The following UBAC2 variants were observed in gnomAD, a reference collection of about 807,000 sequenced individuals.
The protein encoded by UBAC2 is UBA domain containing 2.
A neutral mutation model predicts 44.0 loss-of-function variants in UBAC2; 26 were observed. The observed-to-expected ratio is 0.59, with a 90% CI of 0.43 to 0.82. The LOEUF (loss-of-function observed/expected upper bound fraction) is 0.82, where lower values mean the gene tolerates loss of function less well. Ranked by LOEUF, UBAC2 falls within the 40% of genes least tolerant of loss-of-function variation. The probability of loss-of-function intolerance (pLI) is 0.00; values close to 1 mark genes in which losing one functional copy is unlikely to be tolerated. For synonymous variants in UBAC2, 155 were observed against 154.3 expected (o/e 1.00, Z -0.04); for missense variants, 329 against 419.4 (o/e 0.78, Z 1.88).
intron 2 of UBAC2, among the ~76,000 whole-genome samples, chr13:99,239,960 A>G (rs572536043): frequency 6.6e-6 from 1 of 152,308 alleles, no homozygotes; most frequent in South Asian, 2.1e-4. Context: ...TGGTCCAAAA[A>G]GAAGGGATGA....
At chr13:99,253,351 A>G (rs1470697622) in intron 4 of UBAC2, among the ~76,000 whole-genome samples, 2 of 152,182 alleles carry the variant, frequency 1.3e-5, no homozygotes, top group Non-Finnish European at 2.9e-5. Flanking sequence ...AGCAAGTCAC[A>G]TAACCTCTTC....
intron 5 of UBAC2, 39 bp downstream of exon 5, chr13:99,314,259 GAT>G: frequency 9.4e-7 from 1 of 1,063,202 alleles, no homozygotes; most frequent in Non-Finnish European, 1.3e-6. Context: ...TCTTTAACCA[GAT>G]CTTTTTTTTT....
intron 4 of UBAC2, among the ~76,000 whole-genome samples, chr13:99,252,684 G>A (rs949524349): frequency 6.6e-6 from 1 of 152,116 alleles, no homozygotes; most frequent in Non-Finnish European, 1.5e-5. Flanking sequence ...TCGTTTTCCA[G>A]AATACAGTGA....
At chr13:99,266,442 C>G (rs1369429751) in intron 4 of UBAC2, among the ~76,000 whole-genome samples, 2 of 151,992 alleles carry the variant, frequency 1.3e-5, no homozygotes, top group Non-Finnish European at 2.9e-5. Context: ...CAAAGCTGTC[C>G]TGGGCCCATG....
At chr13:99,337,886 CCTA>C (rs946014662) in intron 6 of UBAC2, among the ~76,000 whole-genome samples, 2 of 152,026 alleles carry the variant, frequency 1.3e-5, no homozygotes, top group Non-Finnish European at 2.9e-5. Flanking sequence ...TTCCACAGGG[CCTA>C]GACCCTCTAG....
At chr13:99,370,202 G>A (rs535696464) in intron 8 of UBAC2, among the ~76,000 whole-genome samples, 40 of 152,264 alleles carry the variant, frequency 2.6e-4, no homozygotes, top group African/African-American at 8.2e-4. Context: ...GAAGGAAAAC[G>A]GCACCATGAT....
At chr13:99,231,452 G>A (rs374777916) in intron 1 of UBAC2, 3 of 117,476 alleles carry the variant, frequency 2.6e-5, no homozygotes, top group Non-Finnish European at 4.8e-5. Context: ...TCTCCCTGTC[G>A]TCCAGGCTGG....
intron 7 of UBAC2, 93 bp from the exon 8 acceptor site, chr13:99,367,694 A>G (rs1300665541): frequency 2.8e-5 from 42 of 1,521,920 alleles, no homozygotes; most frequent in Middle Eastern, 2.0e-4. Flanking sequence ...TTCCCAGTCT[A>G]TAGATGTAAC....
At chr13:99,202,728 C>T (rs2042820250) in intron 1 of UBAC2, among the ~76,000 whole-genome samples, 1 of 152,200 alleles carries the variant, frequency 6.6e-6, no homozygotes, top group Non-Finnish European at 1.5e-5. Context: ...CTGTCTTGGC[C>T]TGTTTCTAAA....
intron 1 of UBAC2, among the ~76,000 whole-genome samples, chr13:99,222,335 G>A (rs1232664977): frequency 6.6e-6 from 1 of 152,214 alleles, no homozygotes; most frequent in Non-Finnish European, 1.5e-5. Context: ...TAAGCTGGAC[G>A]TGGGAAGAAC....
intron 4 of UBAC2, among the ~76,000 whole-genome samples, chr13:99,268,350 C>T (rs939469132): frequency 6.6e-6 from 1 of 152,120 alleles, no homozygotes; most frequent in East Asian, 1.9e-4. Context: ...TGGTGGCTCT[C>T]ACCTGTAATC....
At chr13:99,330,143 A>G (rs1421962895) in intron 6 of UBAC2, among the ~76,000 whole-genome samples, 1 of 151,982 alleles carries the variant, frequency 6.6e-6, no homozygotes, top group African/African-American at 2.4e-5. Context: ...TGTTTTCCCA[A>G]TTGTTTGTCA....
rs952095238 is a variant in UBAC2, at chr13:99,367,665, G to T, written c.808-122G>T. ...TGAATTTGAATTGCTTGCATAGAGCGGATCAATATGATACTTCCTTCCCAG... is the reference window on the plus strand; with the variant it reads ...TGAATTTGAATTGCTTGCATAGAGCTGATCAATATGATACTTCCTTCCCAG... On this transcript the variant is annotated intron_variant, in intron 7 of 8. Transcript: ENST00000403766. The T allele has an allele frequency of 1.4e-5, 18 of 1,331,114 alleles. No individual in the cohort carries two copies. In the South Asian group the frequency reaches 1.8e-4, roughly 13 times the overall value. The allele number at this position is 1,331,114 out of a possible 1,614,324, so 82.5% of individuals were successfully genotyped here. A position where few individuals can be genotyped will look rare whatever the true frequency, so the allele number is the denominator to read the frequency against.
intron 8 of UBAC2, 75 bp from the exon 9 acceptor site, chr13:99,385,153 A>T: frequency 1.8e-6 from 2 of 1,113,912 alleles, no homozygotes; most frequent in Non-Finnish European, 2.8e-6. Context: ...CAAGGCTCAC[A>T]TGAAGAACAT....
chr13:99,376,014 C>T (rs2138917771), intron 8 of UBAC2, among the ~76,000 whole-genome samples: 1 of 146,388 alleles, frequency 6.8e-6, no homozygotes. Context: ...GTTGCCCAGG[C>T]TGGCATTTTC....
chr13:99,374,502 A>C (rs10508037), intron 8 of UBAC2, among the ~76,000 whole-genome samples: 38,295 of 152,150 alleles, frequency 0.25, 6,015 homozygotes, highest in Non-Finnish European at 0.35. Flanking sequence ...TAGCCCAAGT[A>C]GAGAGAATGG....
intron 4 of UBAC2, among the ~76,000 whole-genome samples, chr13:99,274,568 C>G (rs1212964426): frequency 6.6e-6 from 1 of 152,096 alleles, no homozygotes; most frequent in Non-Finnish European, 1.5e-5. Context: ...TCAAGTGATC[C>G]TCCTGCCTTG....
chr13:99,255,136 A>C, intron 4 of UBAC2: 1 of 1,614,182 alleles, frequency 6.2e-7, no homozygotes. Flanking sequence ...GTGGAAGGGC[A>C]TAAAGCAGAC....
intron 1 of UBAC2, among the ~76,000 whole-genome samples, chr13:99,236,925 G>T (rs147980884): frequency 9.9e-5 from 15 of 152,074 alleles, no homozygotes; most frequent in Non-Finnish European, 2.2e-4. Context: ...TACACTGTTG[G>T]TGGGAATGTA....
Sources: allele counts gnomAD v4.1 joint callset (sites outside exome capture counted in the v4.1 genomes callset), GRCh38; gene constraint gnomAD v4.1.1; transcripts MANE v1.5; gene names NCBI Gene and HGNC (gene_info 2026-07-23, HGNC 2026-07-21).